SLC16A12: variants seen among roughly 807,000 people sequenced by gnomAD.
The protein encoded by SLC16A12 is monocarboxylate transporter 12.
A neutral mutation model predicts 42.4 loss-of-function variants in SLC16A12; 17 were observed. The observed-to-expected ratio is 0.40, with a 90% confidence interval of 0.27 to 0.60. The LOEUF (loss-of-function observed/expected upper bound fraction) is 0.60, where lower values mean the gene tolerates loss of function less well. Among genes scored for constraint, SLC16A12 ranks in the 20% least tolerant of loss-of-function variants. The probability of loss-of-function intolerance (pLI) is 0.42; values close to 1 mark genes in which losing one functional copy is unlikely to be tolerated. For synonymous variants in SLC16A12, 224 were observed against 229.4 expected (o/e 0.98, Z 0.21); for missense variants, 544 against 623.0 (o/e 0.87, Z 1.35).
At chr10:89,525,752 G>A (rs1408617179) in intron 2 of SLC16A12, among the ~76,000 whole-genome samples, 1 of 152,164 alleles carries the variant, frequency 6.6e-6, no homozygotes, top group Non-Finnish European at 1.5e-5. Context: ...GGTGGAGTCT[G>A]TGTCAATAAA....
chr10:89,443,928 T>A lies in SLC16A12; in HGVS notation c.201-69A>T, dbSNP rs533691805. 5.4e-5 allele frequency: 55 copies of A among 1,024,116 alleles called. No individual in the cohort carries two copies. In the South Asian group the frequency reaches 6.8e-4, roughly 13 times the overall value. 63.4% of individuals were successfully genotyped at this position (1,024,116 alleles called of 1,614,324 possible). A position where few individuals can be genotyped will look rare whatever the true frequency, so the allele number is the denominator to read the frequency against. ...CATGCATTTGAGCCAGAACTTAAAA[T>A]GTTTGGTTCAATTAGCTGCTCCTGT... On this transcript the variant is annotated intron_variant, in intron 3 of 7. Transcript: ENST00000371790.
chr10:89,533,806 T>C (rs1843598757), intron 2 of SLC16A12, among the ~76,000 whole-genome samples: 1 of 151,166 alleles, frequency 6.6e-6, no homozygotes, highest in Non-Finnish European at 1.5e-5. Context: ...TAAATCAACC[T>C]CTCATCTATT....
intron 3 of SLC16A12, among the ~76,000 whole-genome samples, chr10:89,448,246 CT>C (rs1175325216): frequency 1.3e-5 from 2 of 152,202 alleles, no homozygotes; most frequent in African/African-American, 4.8e-5. Context: ...GGAATCCCCC[CT>C]AACTCATTTT....
chr10:89,480,184 G>A (rs1368988401), intron 2 of SLC16A12, among the ~76,000 whole-genome samples: 1 of 152,056 alleles, frequency 6.6e-6, no homozygotes, highest in Non-Finnish European at 1.5e-5. Flanking sequence ...TACTCTTTGA[G>A]GCCATTAAAA....
chr10:89,510,158 C>A (rs1290544816), intron 2 of SLC16A12, among the ~76,000 whole-genome samples: 1 of 152,146 alleles, frequency 6.6e-6, no homozygotes, highest in African/African-American at 2.4e-5. Flanking sequence ...GGCCATACAG[C>A]CCAAAGTAAT....
At chr10:89,450,096 A>G (rs11203132) in intron 3 of SLC16A12, among the ~76,000 whole-genome samples, 19,727 of 152,268 alleles carry the variant, frequency 0.13, 1,401 homozygotes, top group South Asian at 0.31. Context: ...CCATCATTAA[A>G]AAGTCAGGAA....
At chr10:89,485,564 C>T (rs1259311826) in intron 2 of SLC16A12, among the ~76,000 whole-genome samples, 1 of 152,082 alleles carries the variant, frequency 6.6e-6, no homozygotes, top group East Asian at 1.9e-4. Flanking sequence ...CTACCTGCAA[C>T]CAAAGATATC....
chr10:89,487,909 A>G (rs1299333574), intron 2 of SLC16A12, among the ~76,000 whole-genome samples: 7 of 147,648 alleles, frequency 4.7e-5, no homozygotes, highest in Non-Finnish European at 1.0e-4. Context: ...AAAGTCACAG[A>G]ATCAATCCAA....
intron 2 of SLC16A12, among the ~76,000 whole-genome samples, chr10:89,468,854 GC>G (rs1240491892): frequency 1.3e-5 from 2 of 152,156 alleles, no homozygotes; most frequent in African/African-American, 4.8e-5. Context: ...TTGCAGCCGG[GC>G]ACAATGACTC....
At chr10:89,441,026 T>C in intron 5 of SLC16A12, 82 bp downstream of exon 5, 2 of 1,552,862 alleles carry the variant, frequency 1.3e-6, no homozygotes, top group Non-Finnish European at 1.8e-6. Context: ...AAAATGAATA[T>C]TTTATGAATT....
intron 2 of SLC16A12, among the ~76,000 whole-genome samples, chr10:89,549,815 C>T (rs1456313334): frequency 2.0e-5 from 3 of 152,144 alleles, no homozygotes; most frequent in Non-Finnish European, 2.9e-5. Flanking sequence ...TTGTAACAAG[C>T]TTTGCAAGTG....
intron 2 of SLC16A12, among the ~76,000 whole-genome samples, chr10:89,478,515 C>T (rs1029751040): frequency 5.3e-5 from 8 of 152,198 alleles, no homozygotes; most frequent in African/African-American, 1.9e-4. Flanking sequence ...CCTGAGCTCA[C>T]GCTGGGCTTT....
intron 2 of SLC16A12, among the ~76,000 whole-genome samples, chr10:89,487,740 A>C (rs1359361023): frequency 7.2e-6 from 1 of 138,198 alleles, no homozygotes; most frequent in Non-Finnish European, 1.5e-5. Flanking sequence ...TGAACCTGGG[A>C]GGCAGAGTTT....
At chr10:89,527,729 A>G (rs1379613496) in intron 2 of SLC16A12, among the ~76,000 whole-genome samples, 1 of 151,812 alleles carries the variant, frequency 6.6e-6, no homozygotes, top group East Asian at 1.9e-4. Context: ...GCCTGAGCCT[A>G]GTAGTTCAAG....
In SLC16A12 at chr10:89,438,720, C is replaced by A; in HGVS notation, c.912G>T (p.Leu304Phe). The change falls in exon 6 of 8, where the codon TTG (leucine) becomes TTT (phenylalanine). Residue 304 changes from leucine to phenylalanine, a missense_variant. By Grantham distance (22) the Leu-to-Phe change is conservative. Coordinates refer to ENST00000371790, the MANE Select transcript of SLC16A12 (RefSeq NM_213606.4). ...AYGCSPLFVYLVPYALSVGVS... is the reference protein window; with the variant it reads ...AYGCSPLFVYFVPYALSVGVS... ...CTCCAACACTCAAAGCATAAGGCAC[C>A]AAGTACACAAAGAGAGGGCTGCAGC... The A allele has an allele frequency of 1.9e-6, 3 of 1,614,108 alleles. No individual in the cohort carries two copies. Among genetic ancestry groups the A allele is most frequent in the Non-Finnish European group, 8.5e-7 (1 of 1,180,022 alleles).
At chr10:89,461,503 A>C (rs375306494) in intron 3 of SLC16A12, among the ~76,000 whole-genome samples, 4 of 152,186 alleles carry the variant, frequency 2.6e-5, no homozygotes, top group African/African-American at 9.7e-5. Flanking sequence ...ACATTCACAC[A>C]TCCAATGTAA....
intron 2 of SLC16A12, among the ~76,000 whole-genome samples, chr10:89,543,079 A>T (rs934828024): frequency 1.3e-5 from 2 of 152,250 alleles, no homozygotes; most frequent in Admixed American, 1.3e-4. Context: ...ACTTCTAGTG[A>T]TATCTGTAAC....
At chr10:89,463,745 T>A (rs1842342952) in intron 2 of SLC16A12, among the ~76,000 whole-genome samples, 1 of 152,168 alleles carries the variant, frequency 6.6e-6, no homozygotes, top group South Asian at 2.1e-4. Flanking sequence ...AGAAGTAATA[T>A]CTGCATTCAT....
chr10:89,479,648 C>G (rs1239824226), intron 2 of SLC16A12, among the ~76,000 whole-genome samples: 1 of 152,152 alleles, frequency 6.6e-6, no homozygotes, highest in Non-Finnish European at 1.5e-5. Flanking sequence ...AACTCCTACC[C>G]CACGGAGTTG....
Sources: allele counts gnomAD v4.1 joint callset (sites outside exome capture counted in the v4.1 genomes callset), GRCh38; gene constraint gnomAD v4.1.1; transcripts MANE v1.5; gene names NCBI Gene and HGNC (gene_info 2026-07-23, HGNC 2026-07-21).